The following ATP9B variants were observed in gnomAD, a reference collection of about 807,000 sequenced individuals.
ATP9B encodes probable phospholipid-transporting ATPase IIB.
ATP9B carries 110 observed loss-of-function variants against 146.1 expected under a neutral mutation model. The observed-to-expected ratio is 0.75, with a 90% CI of 0.65 to 0.88. ATP9B has a LOEUF of 0.88. Ranked by LOEUF, ATP9B falls within the 40% of genes least tolerant of loss-of-function variation. The pLI is 0.00. For synonymous variants in ATP9B, 604 were observed against 569.7 expected (o/e 1.06, Z -0.86); for missense variants, 1,499 against 1,496.4 (o/e 1.00, Z -0.03).
chr18:79,356,585 T>C (rs901359945), intron 25 of ATP9B, among the ~76,000 whole-genome samples: 3 of 152,242 alleles, frequency 2.0e-5, no homozygotes, highest in Non-Finnish European at 4.4e-5. Flanking sequence ...GCAACCTAGA[T>C]GAATCTCCAG....
At chr18:79,124,576 A>G (rs1361644238) in intron 4 of ATP9B, among the ~76,000 whole-genome samples, 5 of 152,344 alleles carry the variant, frequency 3.3e-5, no homozygotes, top group East Asian at 1.9e-4. Context: ...AGTGCTTCCA[A>G]CAACCCCTGG....
At chr18:79,181,530 T>C (rs2095252101) in intron 8 of ATP9B, among the ~76,000 whole-genome samples, 1 of 152,228 alleles carries the variant, frequency 6.6e-6, no homozygotes, top group Admixed American at 6.5e-5. Flanking sequence ...AGAACTTCAA[T>C]GACATGGGAA....
At chr18:79,173,984 A>G (rs1419999862) in intron 7 of ATP9B, among the ~76,000 whole-genome samples, 1 of 152,222 alleles carries the variant, frequency 6.6e-6, no homozygotes, top group Admixed American at 6.5e-5. Context: ...AAAGGGCAAG[A>G]TGAAAACAGG....
At chr18:79,140,382 G>A (rs751363426) in intron 5 of ATP9B, among the ~76,000 whole-genome samples, 2 of 152,060 alleles carry the variant, frequency 1.3e-5, no homozygotes, top group Non-Finnish European at 2.9e-5. Flanking sequence ...TTGGAATTAG[G>A]GAAATTATAG....
At chr18:79,270,887 G>A (rs1187455841) in intron 12 of ATP9B, among the ~76,000 whole-genome samples, 2 of 152,164 alleles carry the variant, frequency 1.3e-5, no homozygotes, top group Admixed American at 1.3e-4. Flanking sequence ...ATGAAAGTCG[G>A]AAGAGTCCTG....
chr18:79,153,488 C>G (rs549909998), intron 6 of ATP9B, among the ~76,000 whole-genome samples: 2 of 152,228 alleles, frequency 1.3e-5, no homozygotes, highest in Admixed American at 1.3e-4. Flanking sequence ...ATGATGTGCT[C>G]TGTTTTGTGG....
intron 19 of ATP9B, among the ~76,000 whole-genome samples, chr18:79,337,851 C>G (rs1476093422): frequency 6.6e-6 from 1 of 152,222 alleles, no homozygotes; most frequent in African/African-American, 2.4e-5. Context: ...CCTGGGTTGG[C>G]CGGCACTCGT....
At chr18:79,221,812 CTTT>C (rs11296943) in intron 11 of ATP9B, among the ~76,000 whole-genome samples, 1 of 135,276 alleles carries the variant, frequency 7.4e-6, no homozygotes, top group Non-Finnish European at 1.6e-5. Context: ...ATTATAAAGG[CTTT>C]TTTTTTTTTT....
intron 28 of ATP9B, among the ~76,000 whole-genome samples, chr18:79,375,160 C>G (rs1255373567): frequency 6.6e-6 from 1 of 152,212 alleles, no homozygotes; most frequent in Non-Finnish European, 1.5e-5. Context: ...AGGGGAATGC[C>G]AAGGTGTGTG....
At chr18:79,262,113 C>CCCCTCCCT (rs577494373) in intron 12 of ATP9B, among the ~76,000 whole-genome samples, 1 of 145,916 alleles carries the variant, frequency 6.9e-6, no homozygotes, top group African/African-American at 2.5e-5. Flanking sequence ...ACACCCCGCT[C>CCCCTCCCT]CCCTCCCTCC....
chr18:79,071,051 T>TTTC (rs1555723422), intron 1 of ATP9B, among the ~76,000 whole-genome samples: 1 of 145,516 alleles, frequency 6.9e-6, no homozygotes, highest in African/African-American at 2.6e-5. Context: ...TCCTGTTTCT[T>TTTC]TTTTTTTTTT....
intron 7 of ATP9B, among the ~76,000 whole-genome samples, chr18:79,159,363 G>A (rs1292974011): frequency 6.6e-6 from 1 of 152,064 alleles, no homozygotes. Context: ...CAGCTTTACA[G>A]CCCTACATCA....
At chr18:79,147,273 T>C (rs1332858740) in intron 6 of ATP9B, among the ~76,000 whole-genome samples, 1 of 152,214 alleles carries the variant, frequency 6.6e-6, no homozygotes, top group Non-Finnish European at 1.5e-5. Context: ...AGCACCACCC[T>C]TCAGGCATTG....
rs7242166 is a variant in ATP9B at position 79,374,565 on chromosome 18, T to C, written c.3274+464T>C. On this transcript the variant is annotated intron_variant, in intron 28 of 29. Coordinates refer to ENST00000426216, the MANE Select transcript of ATP9B (RefSeq NM_198531.5). ...TGAGCCCCGTCGGTCACTGGCTGGC[T>C]GGTCCCCTGACATGAGCAGCACAGC... Among the ~76,000 whole-genome samples the C allele has an allele frequency of 2.6e-4, 39 of 150,568 alleles. 2 individuals are homozygous for C. In the East Asian group the frequency reaches 6.5e-3, roughly 25 times the overall value.
intron 9 of ATP9B, among the ~76,000 whole-genome samples, chr18:79,205,244 A>C (rs1432018331): frequency 2.0e-5 from 3 of 152,278 alleles, no homozygotes; most frequent in African/African-American, 7.2e-5. Flanking sequence ...AATATTTTGG[A>C]AACTGTTAGG....
chr18:79,327,659 T>TTTAGCGTGCTCTCTCTGG (rs2096761298), intron 15 of ATP9B, among the ~76,000 whole-genome samples: 2 of 105,992 alleles, frequency 1.9e-5, no homozygotes, highest in African/African-American at 3.8e-5. Context: ...GCTCTCCGTG[T>TTTAGCGTGCTCTCTCTGG]TTAGCGTGCT....
chr18:79,200,500 A>AGGAT (rs2095458971), intron 9 of ATP9B, among the ~76,000 whole-genome samples: 1 of 152,248 alleles, frequency 6.6e-6, no homozygotes, highest in Non-Finnish European at 1.5e-5. Flanking sequence ...TTAAGGCAGC[A>AGGAT]GGATGGGTAG....
chr18:79,086,412 G>T (rs1399248930), intron 1 of ATP9B: 1 of 104,434 alleles, frequency 9.6e-6, no homozygotes, highest in Non-Finnish European at 1.7e-5. Flanking sequence ...CTCCAGCCTG[G>T]GAGACAGAGC....
chr18:79,282,196 G>C (rs35023894), intron 13 of ATP9B, among the ~76,000 whole-genome samples: 1 of 152,198 alleles, frequency 6.6e-6, no homozygotes, highest in African/African-American at 2.4e-5. Context: ...AATGGAATCC[G>C]CTCCTGGAGA....
Sources: gnomAD v4.1 joint callset for allele counts (sites outside exome capture counted in the v4.1 genomes callset) on GRCh38, gnomAD v4.1.1 for gene constraint, MANE v1.5 for transcripts, NCBI Gene and HGNC (gene_info 2026-07-23, HGNC 2026-07-21) for gene names.